Variants in SLC14A2 observed in about 807,000 individuals in gnomAD.
SLC14A2 encodes the protein urea transporter 2.
A neutral mutation model predicts 104.6 loss-of-function variants in SLC14A2; 91 were observed. The observed-to-expected ratio is 0.87, with a 90% CI of 0.73 to 1.04. The LOEUF is 1.04. SLC14A2 is among the 50% of genes least tolerant of loss of function. The pLI is 0.00. For missense variants in SLC14A2, 1,189 were observed against 1,156.0 expected (o/e 1.03, Z -0.41); for synonymous variants, 476 against 466.4 (o/e 1.02, Z -0.27).
At chr18:45,351,304 C>G (rs1009274592) in intron 1 of SLC14A2, among the ~76,000 whole-genome samples, 1 of 151,922 alleles carries the variant, frequency 6.6e-6, no homozygotes, top group Non-Finnish European at 1.5e-5. Context: ...ACCCAAATAG[C>G]CTCATTTTTT....
intron 1 of SLC14A2, among the ~76,000 whole-genome samples, chr18:45,238,926 C>G (rs2084283576): frequency 6.6e-6 from 1 of 151,754 alleles, no homozygotes; most frequent in African/African-American, 2.4e-5. Flanking sequence ...TAGCCTAGGA[C>G]AGAAGACAAA....
rs535730218 is a variant in SLC14A2, at chr18:45,361,428, A to G, written c.-124-121805A>G. Among the ~76,000 whole-genome samples, 4 of 152,294 alleles carry G rather than the reference A, an allele frequency of 2.6e-5. No homozygotes were observed. In the South Asian group the frequency reaches 8.3e-4, roughly 32 times the overall value. On this transcript the variant is annotated intron_variant, in intron 1 of 20. Transcript: ENST00000586448. ...CACATTTTGGTCCTACCCAGCTCCC[A>G]CCTACACAACCAGACAGTCTCACAC...
intron 1 of SLC14A2, among the ~76,000 whole-genome samples, chr18:45,450,122 A>G (rs1734213415): frequency 6.6e-6 from 1 of 152,186 alleles, no homozygotes; most frequent in South Asian, 2.1e-4. Context: ...GCATTATTGG[A>G]TGTGCTCTGC....
chr18:45,267,815 A>G (rs1352133996), intron 1 of SLC14A2, among the ~76,000 whole-genome samples: 1 of 152,182 alleles, frequency 6.6e-6, no homozygotes, highest in African/African-American at 2.4e-5. Flanking sequence ...GTGTTTCCCA[A>G]TGACTGTGAT....
rs72908668 is a variant in SLC14A2, at chr18:45,405,974, G to A, written c.-124-77259G>A. 5.6e-3 allele frequency among the ~76,000 whole-genome samples: 843 copies of A among 151,522 alleles called. 5 individuals are homozygous for A. The highest frequency in any genetic ancestry group is 0.017 in the South Asian group (81 of 4,794). ...ATTTTTTTTACTGGTAGATGGTCTT[G>A]CCTCAATGTTGATGGTTGCTGAAGG... On this transcript the variant is annotated intron_variant, in intron 1 of 20. Coordinates refer to the SLC14A2 transcript ENST00000586448.
intron 2 of SLC14A2, among the ~76,000 whole-genome samples, chr18:45,576,912 G>A (rs2044425753): frequency 6.6e-6 from 1 of 152,222 alleles, no homozygotes; most frequent in Non-Finnish European, 1.5e-5. Context: ...TTGTATTCCT[G>A]TGGAAAGGAA....
At chr18:45,172,734 A>C in the SLC14A2 span, among the ~76,000 whole-genome samples, 1 of 152,248 alleles carries the variant, frequency 6.6e-6, no homozygotes, top group East Asian at 1.9e-4. Flanking sequence ...ACAAAATCCT[A>C]CTTCTGTGAT....
intron 1 of SLC14A2, among the ~76,000 whole-genome samples, chr18:45,303,401 T>C (rs990075453): frequency 6.6e-6 from 1 of 152,238 alleles, no homozygotes; most frequent in Non-Finnish European, 1.5e-5. Context: ...AGGTTACAGT[T>C]CGTCCACAAG....
intron 1 of SLC14A2, among the ~76,000 whole-genome samples, chr18:45,461,175 C>G (rs2087038438): frequency 6.6e-6 from 1 of 152,088 alleles, no homozygotes; most frequent in Non-Finnish European, 1.5e-5. Flanking sequence ...TTACTTTTCC[C>G]AATACTGAAA....
chr18:45,362,965 G>C (rs1177868365), intron 1 of SLC14A2, among the ~76,000 whole-genome samples: 1 of 152,102 alleles, frequency 6.6e-6, no homozygotes, highest in East Asian at 1.9e-4. Flanking sequence ...GTACCAGCTT[G>C]ACAACCTCCA....
chr18:45,492,980 G>C (rs543835030), intron 2 of SLC14A2: 1 of 151,970 alleles, frequency 6.6e-6, no homozygotes, highest in East Asian at 1.9e-4. Context: ...AAACTTTTTC[G>C]CCCTGCATAG....
At chr18:45,381,301 T>A (rs1407270621) in intron 1 of SLC14A2, among the ~76,000 whole-genome samples, 1 of 152,214 alleles carries the variant, frequency 6.6e-6, no homozygotes, top group African/African-American at 2.4e-5. Flanking sequence ...AATAAATAAT[T>A]ACAGACTCTG....
chr18:45,225,911 C>T (rs906825545), intron 1 of SLC14A2, among the ~76,000 whole-genome samples: 15 of 152,038 alleles, frequency 9.9e-5, no homozygotes, highest in Non-Finnish European at 1.6e-4. Flanking sequence ...GGGTTTTCTA[C>T]ATATACAGTC....
At chr18:45,358,255 T>A (rs1398471790) in intron 1 of SLC14A2, among the ~76,000 whole-genome samples, 2 of 152,164 alleles carry the variant, frequency 1.3e-5, no homozygotes, top group Non-Finnish European at 2.9e-5. Context: ...GCAGCCACAC[T>A]CTCTAATGTG....
intron 2 of SLC14A2, among the ~76,000 whole-genome samples, chr18:45,517,540 T>A (rs936722122): frequency 6.6e-5 from 10 of 152,240 alleles, no homozygotes; most frequent in Non-Finnish European, 1.2e-4. Context: ...ATTGTGGCAT[T>A]AAACCTCAGG....
intron 1 of SLC14A2, among the ~76,000 whole-genome samples, chr18:45,449,806 G>T (rs1481858435): frequency 2.0e-5 from 3 of 152,192 alleles, no homozygotes; most frequent in Non-Finnish European, 4.4e-5. Context: ...CCCAAAACGT[G>T]TGGGCTTATA....
intron 1 of SLC14A2, among the ~76,000 whole-genome samples, chr18:45,474,263 G>A (rs900462288): frequency 5.9e-5 from 9 of 152,294 alleles, no homozygotes; most frequent in South Asian, 2.1e-4. Context: ...TTGATGTGCT[G>A]CTGGATTTGG....
intron 2 of SLC14A2, among the ~76,000 whole-genome samples, chr18:45,498,173 A>G (rs2043133067): frequency 6.6e-6 from 1 of 152,256 alleles, no homozygotes; most frequent in African/African-American, 2.4e-5. Context: ...ATAATGCAAT[A>G]TATCTGTACA....
intron 1 of SLC14A2, among the ~76,000 whole-genome samples, chr18:45,414,757 A>AAAAATATATATATAT (rs1360051908): frequency 7.1e-4 from 54 of 76,056 alleles, no homozygotes; most frequent in African/African-American, 8.5e-4. Context: ...AAAAAAAAAA[A>AAAAATATATATATAT]ATATATATAT....
Sources: allele counts gnomAD v4.1 joint callset (sites outside exome capture counted in the v4.1 genomes callset), GRCh38; gene constraint gnomAD v4.1.1; transcripts MANE v1.5; gene names NCBI Gene and HGNC (gene_info 2026-07-23, HGNC 2026-07-21).